DNASE1L3: variants seen among roughly 807,000 people sequenced by gnomAD.
DNASE1L3 encodes deoxyribonuclease gamma.
In DNASE1L3, 27 loss-of-function variants were observed where a neutral mutation model predicts 30.9. The ratio of observed to expected loss-of-function variants is 0.87; its 90% CI spans 0.64 to 1.20. The LOEUF is 1.20. DNASE1L3 is among the 50% of genes most tolerant of loss of function. The pLI is 0.00. For synonymous variants in DNASE1L3, 135 were observed against 138.0 expected, an observed-to-expected ratio of 0.98 and a Z score of 0.15; for missense variants, 364 against 378.2, an observed-to-expected ratio of 0.96 and a Z score of 0.31.
Position 58,208,610 on chromosome 3 carries a change from C to T in DNASE1L3, c.142-304G>A, listed in dbSNP as rs41276477. ...GAGCCCCTTGCTCATGACCTCCCCA[C>T]AATATCCTGCCTCTTGGCTTTGCTT... is the stretch of plus-strand genomic sequence containing the variant. On this transcript the variant is annotated intron_variant, in intron 1 of 7. Coordinates refer to ENST00000394549, the MANE Select transcript of DNASE1L3 (RefSeq NM_004944.4). Among the ~76,000 whole-genome samples, 530 of 152,242 alleles carry T rather than the reference C, an allele frequency of 3.5e-3. 1 individual carries two copies. The highest frequency in any genetic ancestry group is 5.8e-3 in the Non-Finnish European group (393 of 68,014).
chr3:58,194,776 G>A (rs569689972), intron 6 of DNASE1L3, among the ~76,000 whole-genome samples: 166 of 150,438 alleles, frequency 1.1e-3, no homozygotes, highest in Middle Eastern at 7.0e-3. Flanking sequence ...CAGGTGCCCG[G>A]CACCACGCCT....
chr3:58,209,763 G>T (rs2097406447), intron 1 of DNASE1L3, among the ~76,000 whole-genome samples: 1 of 152,190 alleles, frequency 6.6e-6, no homozygotes, highest in African/African-American at 2.4e-5. Flanking sequence ...GGAGCTGGTG[G>T]TTCAGGGAGG....
intron 2 of DNASE1L3, among the ~76,000 whole-genome samples, chr3:58,206,015 G>A (rs559875746): frequency 1.3e-5 from 2 of 152,304 alleles, no homozygotes; most frequent in African/African-American, 2.4e-5. Flanking sequence ...CCGTGTCCAC[G>A]AACCACTCCT....
At chr3:58,206,599 T>C (rs960271914) in intron 2 of DNASE1L3, among the ~76,000 whole-genome samples, 1 of 152,158 alleles carries the variant, frequency 6.6e-6, no homozygotes, top group Non-Finnish European at 1.5e-5. Flanking sequence ...TTGGCTCTGC[T>C]TGGAGTCCGC....
intron 6 of DNASE1L3, among the ~76,000 whole-genome samples, chr3:58,196,577 A>T (rs965470277): frequency 6.3e-5 from 8 of 126,078 alleles, no homozygotes. Context: ...AAAAAAAAAA[A>T]CTCCGAGAGG....
rs1171213238 is a variant in DNASE1L3 at position 58,202,317 on chromosome 3, G to GTT, written c.434-1210_434-1209dup. ...TGCACCATCATGCCTGGCTAGCTTTGTTTTTTTTTTTTTTTTTTTTTTTTT... is the reference window on the plus strand; with the variant it reads ...TGCACCATCATGCCTGGCTAGCTTTGTTTTTTTTTTTTTTTTTTTTTTTTTTT... On this transcript the variant is annotated intron_variant, in intron 4 of 7. Coordinates refer to ENST00000394549, the MANE Select transcript of DNASE1L3 (RefSeq NM_004944.4). 1.9e-3 allele frequency among the ~76,000 whole-genome samples: 94 copies of GTT among 48,826 alleles called. 1 individual carries two copies. Among genetic ancestry groups the GTT allele is most frequent in the African/African-American group, 3.2e-3 (38 of 11,746 alleles). The allele number at this position is 48,826 out of a possible 152,430, so 32.0% of individuals were successfully genotyped here.
At position 58,194,905 on chromosome 3, in the gene DNASE1L3, G is replaced by C. The variant is rs896257278; in HGVS notation, c.705-1466C>G. 2.6e-5 allele frequency among the ~76,000 whole-genome samples: 4 copies of C among 152,222 alleles called. No homozygotes were observed. The East Asian group carries it at 7.7e-4, about 29-fold the overall frequency. Reference sequence around the variant, plus strand: ...AGCCTCCCAAAGTGCTGGGATTACAGGTGTGAGCCACCACGCCCGGCCCGG... The same window carrying C: ...AGCCTCCCAAAGTGCTGGGATTACACGTGTGAGCCACCACGCCCGGCCCGG... On this transcript the variant is annotated intron_variant, in intron 6 of 7. Coordinates refer to ENST00000394549, the MANE Select transcript of DNASE1L3 (RefSeq NM_004944.4).
At chr3:58,204,070 G>A (rs150685454) in intron 4 of DNASE1L3, among the ~76,000 whole-genome samples, 75 of 152,140 alleles carry the variant, frequency 4.9e-4, no homozygotes, top group African/African-American at 1.5e-3. Context: ...GCCTGTGGAG[G>A]AGTCTGCGAT....
At position 58,197,733 on chromosome 3, in the gene DNASE1L3, G is replaced by A. The variant is rs111873741; in HGVS notation, c.704+88C>T. ...CTCCCAAAGTGCTAGGACTACTGGC[G>A]TGAGCCACAGTGCCCAGCCACCTTG... On this transcript the variant is annotated intron_variant, in intron 6 of 7. Coordinates refer to ENST00000394549, the MANE Select transcript of DNASE1L3 (RefSeq NM_004944.4). This position sits in a 1 kb window ranked among gnomAD's most constrained non-coding sequence, Gnocchi z 5.3. 2.6e-4 allele frequency: 406 copies of A among 1,583,622 alleles called. No homozygotes were observed. Among genetic ancestry groups the A allele is most frequent in the Non-Finnish European group, 2.9e-4 (338 of 1,158,092 alleles).
intron 2 of DNASE1L3, among the ~76,000 whole-genome samples, chr3:58,207,446 C>T (rs34169790): frequency 0.044 from 3,793 of 86,670 alleles, 308 homozygotes; most frequent in African/African-American, 0.18. Flanking sequence ...ATCACACCCC[C>T]CCCCCCCCCA....
chr3:58,194,694 C>T (rs1484999474), intron 6 of DNASE1L3, among the ~76,000 whole-genome samples: 4 of 147,176 alleles, frequency 2.7e-5, no homozygotes, highest in Admixed American at 6.9e-5. Flanking sequence ...GGCGCAATCT[C>T]GGCTCACTGC....
At chr3:58,194,532 C>A (rs2097396034) in intron 6 of DNASE1L3, among the ~76,000 whole-genome samples, 1 of 150,630 alleles carries the variant, frequency 6.6e-6, no homozygotes. Flanking sequence ...GTTGGCCAGG[C>A]TGGTCTTGAA....
Position 58,200,913 on chromosome 3 carries a change from C to A in DNASE1L3, c.546+84G>T, listed in dbSNP as rs768829032. On this transcript the variant is annotated intron_variant, in intron 5 of 7. Transcript: ENST00000394549. This position sits in a 1 kb window ranked among gnomAD's most constrained non-coding sequence, Gnocchi z 4.2. ...GCCTGCACATGCCCTTCCTCCTCCC[C>A]CTCCCTGGAGAGGTACTCATCCCAC... is the stretch of plus-strand genomic sequence containing the variant. 91 of 1,078,356 alleles carry A rather than the reference C, an allele frequency of 8.4e-5. No homozygotes were observed. The highest frequency in any genetic ancestry group is 1.1e-4 in the Non-Finnish European group (80 of 739,102). 66.8% of individuals were successfully genotyped at this position (1,078,356 alleles called of 1,614,324 possible).
At chr3:58,204,747 GA>G (rs765788609) in intron 4 of DNASE1L3, 21 bp downstream of exon 4, 1 of 1,609,818 alleles carries the variant, frequency 6.2e-7, no homozygotes, top group Non-Finnish European at 8.5e-7. Context: ...GTCCCAGACA[GA>G]AAGGCCTGTG....
chr3:58,196,266 C>T (rs937396063), intron 6 of DNASE1L3, among the ~76,000 whole-genome samples: 2 of 151,740 alleles, frequency 1.3e-5, no homozygotes, highest in South Asian at 2.1e-4. Flanking sequence ...AGGAACAGGC[C>T]GGGCATGGTG....
rs757366118 is a variant in DNASE1L3, at chr3:58,201,096, G to A, written c.447C>T (p.Phe149=). ...FQSPHTAVKD[F]VIIPLHTTPE... ...GGGTGGTGTGCAGGGGGATAATCAC[G>A]AAGTCTTTGACAGCTGAGAAACAGG... is the stretch of plus-strand genomic sequence containing the variant. Residue 149 remains phenylalanine, a synonymous_variant, in exon 5 of 8, where the codon TTC becomes TTT. Transcript: ENST00000394549. 3.7e-6 allele frequency: 6 copies of A among 1,607,850 alleles called. No individual in the cohort carries two copies. Among genetic ancestry groups the A allele is most frequent in the South Asian group, 2.2e-5 (2 of 90,058 alleles).
chr3:58,201,730 G>T (rs772299036), intron 4 of DNASE1L3, among the ~76,000 whole-genome samples: 17 of 152,242 alleles, frequency 1.1e-4, no homozygotes, highest in Non-Finnish European at 2.4e-4. Context: ...AGCTTAGATT[G>T]TGTGGTCTGG....
intron 4 of DNASE1L3, 45 bp downstream of exon 4, chr3:58,204,724 G>T: frequency 6.4e-7 from 1 of 1,554,070 alleles, no homozygotes. Flanking sequence ...CGCATTCATG[G>T]GCCGTTGGGG....
chr3:58,201,513 C>A (rs1575497728), intron 4 of DNASE1L3, among the ~76,000 whole-genome samples: 1 of 152,342 alleles, frequency 6.6e-6, no homozygotes, highest in African/African-American at 2.4e-5. Context: ...TCCTATGTAG[C>A]TGTTAGACAT....
Sources: allele counts gnomAD v4.1 joint callset (sites outside exome capture counted in the v4.1 genomes callset), GRCh38; gene constraint gnomAD v4.1.1; non-coding constraint Gnocchi (gnomAD v3.1); transcripts MANE v1.5; gene names NCBI Gene and HGNC (gene_info 2026-07-23, HGNC 2026-07-21).